DNMT3B: variants seen among roughly 807,000 people sequenced by gnomAD.
DNMT3B encodes the protein DNA methyltransferase 3 beta.
In DNMT3B, 37 loss-of-function variants were observed where a neutral mutation model predicts 120.2. The observed-to-expected ratio is 0.31, with a 90% CI of 0.24 to 0.40. The LOEUF is 0.40. Among genes scored for constraint, DNMT3B ranks in the 10% least tolerant of loss-of-function variants. DNMT3B has a pLI of 1.00. For missense variants in DNMT3B, 878 were observed against 1,137.3 expected (o/e 0.77, Z 3.28); for synonymous variants, 412 against 442.8 (o/e 0.93, Z 0.87).
chr20:32,763,727 G>C (rs1183760941), intron 1 of DNMT3B, among the ~76,000 whole-genome samples: 1 of 152,164 alleles, frequency 6.6e-6, no homozygotes, highest in Non-Finnish European at 1.5e-5. Context: ...ATGGAGTTCC[G>C]AGCCCAGGTC....
intron 18 of DNMT3B, 126 bp downstream of exon 18, chr20:32,801,051 G>C: frequency 7.8e-7 from 1 of 1,281,640 alleles, no homozygotes; most frequent in African/African-American, 1.5e-5. Context: ...GGGGCCTGTT[G>C]GTGCTGCCTA....
intron 14 of DNMT3B, among the ~76,000 whole-genome samples, 199 bp from the exon 15 acceptor site, chr20:32,798,261 G>C (rs936430728): frequency 6.6e-6 from 1 of 152,188 alleles, no homozygotes; most frequent in African/African-American, 2.4e-5. Flanking sequence ...AGAGCCTGTG[G>C]GATTAAGGGG....
chr20:32,796,067 G>A (rs1980585748), intron 12 of DNMT3B, among the ~76,000 whole-genome samples: 1 of 152,178 alleles, frequency 6.6e-6, no homozygotes, highest in Non-Finnish European at 1.5e-5. Flanking sequence ...CCTGGCTGGG[G>A]ATTGCCACTG....
intron 1 of DNMT3B, among the ~76,000 whole-genome samples, chr20:32,772,598 C>T (rs1219456328): frequency 6.6e-6 from 1 of 152,134 alleles, no homozygotes; most frequent in Non-Finnish European, 1.5e-5. Context: ...TTGACCACTC[C>T]TTGGGGCTGC....
chr20:32,765,217 T>G (rs1350968374), intron 1 of DNMT3B, among the ~76,000 whole-genome samples: 2 of 152,154 alleles, frequency 1.3e-5, no homozygotes, highest in East Asian at 1.9e-4. Flanking sequence ...TGATTTCCAG[T>G]TTCACGGAGG....
intron 1 of DNMT3B, among the ~76,000 whole-genome samples, chr20:32,773,432 C>A (rs2145870719): frequency 6.6e-6 from 1 of 152,152 alleles, no homozygotes. Flanking sequence ...GTGGATACTT[C>A]TTGATTGGCC....
rs1371940235 is a variant in DNMT3B, at chr20:32,780,407, C to G, written c.84C>G (p.Ser28Arg). ...EDSILVNGAC[S>R]DQSSDSPPIL... Reference sequence around the variant, plus strand: ...CGATCCTCGTCAACGGGGCCTGCAGCGACCAGTCCTCCGACTCGCCCCCAA... The same window carrying G: ...CGATCCTCGTCAACGGGGCCTGCAGGGACCAGTCCTCCGACTCGCCCCCAA... Residue 28 changes from serine (S) to arginine (R), a missense_variant, in exon 2 of 23, where the codon AGC becomes AGG. Transcript: ENST00000328111. 1 of 1,613,902 alleles carries G rather than the reference C, an allele frequency of 6.2e-7. No individual in the cohort carries two copies. The highest frequency in any genetic ancestry group is 8.5e-7 in the Non-Finnish European group (1 of 1,180,006).
chr20:32,773,323 G>T (rs1218283410), intron 1 of DNMT3B, among the ~76,000 whole-genome samples: 2 of 152,114 alleles, frequency 1.3e-5, no homozygotes, highest in Non-Finnish European at 2.9e-5. Context: ...TATGCCAAGG[G>T]CCCAGCTTCT....
chr20:32,800,434 C>A, intron 17 of DNMT3B, 136 bp downstream of exon 17: 1 of 1,346,084 alleles, frequency 7.4e-7, no homozygotes, highest in Non-Finnish European at 1.0e-6. Context: ...GAATCTTAAG[C>A]ATTAGGTTAG....
intron 14 of DNMT3B, 84 bp from the exon 15 acceptor site, chr20:32,798,376 G>A: frequency 1.9e-6 from 3 of 1,561,180 alleles, no homozygotes; most frequent in Non-Finnish European, 2.6e-6. Flanking sequence ...GAGGGGGTTG[G>A]CATTTCCCTG....
intron 1 of DNMT3B, among the ~76,000 whole-genome samples, chr20:32,770,643 TC>T (rs1233803722): frequency 3.3e-5 from 5 of 150,738 alleles, no homozygotes; most frequent in Non-Finnish European, 7.4e-5. Flanking sequence ...AGACAGAGTT[TC>T]GCTCTTTGCC....
At position 32,809,076 on chromosome 20, in the gene DNMT3B, T is replaced by A; in HGVS notation, c.*1173T>A. ...CTGCATTTCAGAAATGCTGTCATAA[T>A]GGTTTTTAACACCTTTTACTCTTCT... On this transcript the variant is annotated 3_prime_UTR_variant, in exon 23 of 23. Coordinates refer to ENST00000328111, the MANE Select transcript of DNMT3B (RefSeq NM_006892.4). 1.4e-5 allele frequency: 3 copies of A among 217,030 alleles called. No individual in the cohort carries two copies. Among genetic ancestry groups the A allele is most frequent in the Non-Finnish European group, 2.8e-5 (3 of 107,556 alleles). The allele number at this position is 217,030 out of a possible 1,614,324, so 13.4% of individuals were successfully genotyped here.
chr20:32,776,460 T>C (rs1431710248), intron 1 of DNMT3B, among the ~76,000 whole-genome samples: 1 of 152,116 alleles, frequency 6.6e-6, no homozygotes, highest in African/African-American at 2.4e-5. Context: ...GTGAGATACA[T>C]AGAAAAGAGG....
chr20:32,777,454 T>C (rs1233290219), intron 1 of DNMT3B, among the ~76,000 whole-genome samples: 1 of 152,064 alleles, frequency 6.6e-6, no homozygotes, highest in South Asian at 2.1e-4. Context: ...CAATGTTGCC[T>C]GCGAAACCCA....
intron 1 of DNMT3B, among the ~76,000 whole-genome samples, chr20:32,774,132 G>A (rs751426584): frequency 2.6e-5 from 4 of 151,858 alleles, no homozygotes; most frequent in African/African-American, 7.3e-5. Context: ...CCTGCTGCCT[G>A]GATCCTTCCC....
At chr20:32,790,000 A>AAG (rs1979782366) in intron 7 of DNMT3B, among the ~76,000 whole-genome samples, 1 of 152,210 alleles carries the variant, frequency 6.6e-6, no homozygotes, top group Non-Finnish European at 1.5e-5. Flanking sequence ...GCCTAAGGTC[A>AAG]TTGGGCAAGT....
chr20:32,805,611 A>T lies in DNMT3B; in HGVS notation c.2301+204A>T, dbSNP rs530144032. Among the ~76,000 whole-genome samples the T allele has an allele frequency of 7.7e-4, 118 of 152,258 alleles. No individual in the cohort carries two copies. The highest frequency in any genetic ancestry group is 1.1e-3 in the Non-Finnish European group (75 of 68,034). On this transcript the variant is annotated intron_variant, in intron 21 of 22. Coordinates refer to ENST00000328111, the MANE Select transcript of DNMT3B (RefSeq NM_006892.4). ...ATTCGTGATAAGTAATCACGACGAG[A>T]AAAGGCAACTAGTCTTTTTAATTTT... is the stretch of plus-strand genomic sequence containing the variant.
intron 1 of DNMT3B, among the ~76,000 whole-genome samples, chr20:32,771,768 T>C (rs4911257): frequency 0.44 from 67,165 of 151,942 alleles, 15,813 homozygotes; most frequent in East Asian, 0.92. Flanking sequence ...CTGGCTTTAC[T>C]TACGGGGAAA....
At chr20:32,793,464 T>A in intron 9 of DNMT3B, 72 bp from the exon 10 acceptor site, 1 of 1,545,570 alleles carries the variant, frequency 6.5e-7, no homozygotes, top group South Asian at 1.1e-5. Context: ...CAAGACCTTG[T>A]CTCAAAAAAG....
Sources: gnomAD v4.1 joint callset for allele counts (sites outside exome capture counted in the v4.1 genomes callset) on GRCh38, gnomAD v4.1.1 for gene constraint, MANE v1.5 for transcripts, NCBI Gene and HGNC (gene_info 2026-07-23, HGNC 2026-07-21) for gene names.